NLRC5: variants seen among roughly 807,000 people sequenced by gnomAD.
The protein encoded by NLRC5 is NLR family CARD domain containing 5.
Under a neutral mutation model 206.9 loss-of-function variants are expected in NLRC5, and 114 were observed. That is an observed-to-expected ratio of 0.55 (90% CI 0.47 to 0.64). The LOEUF is 0.64. Ranked by LOEUF, NLRC5 falls within the 30% of genes least tolerant of loss-of-function variation. The pLI, the probability that NLRC5 is intolerant of heterozygous loss-of-function variation, is 0.00. For missense variants in NLRC5, 2,008 were observed against 2,305.5 expected (o/e 0.87, Z 2.64); for synonymous variants, 952 against 962.8 (o/e 0.99, Z 0.21).
intron 37 of NLRC5, among the ~76,000 whole-genome samples, chr16:57,070,183 C>T (rs1424780153): frequency 1.3e-5 from 2 of 152,126 alleles, no homozygotes; most frequent in Non-Finnish European, 2.9e-5. Context: ...AAATGGGGCT[C>T]ATGAGCCTTG....
intron 33 of NLRC5, among the ~76,000 whole-genome samples, chr16:57,065,682 C>T (rs1221029529): frequency 6.6e-6 from 1 of 152,222 alleles, no homozygotes; most frequent in Non-Finnish European, 1.5e-5. Context: ...GCATCCCACT[C>T]AGCTATGTTC....
rs138060627 is a variant in NLRC5, at chr16:57,005,070, G to A, written c.-127-12004G>A. Among the ~76,000 whole-genome samples, 353 of 152,232 alleles carry A rather than the reference G, an allele frequency of 2.3e-3. 1 individual carries two copies. The highest frequency in any genetic ancestry group is 8.1e-3 in the African/African-American group (337 of 41,542). ...CCCATTTGATTACTCGGCCTCAGGG[G>A]TGCACTGGGGATTCTTAGAGGTAAC... On this transcript the variant is annotated intron_variant, in intron 1 of 48. Coordinates refer to ENST00000688547, the MANE Select transcript of NLRC5 (RefSeq NM_001384950.1).
At chr16:56,995,468 A>G (rs570468206) in intron 1 of NLRC5, among the ~76,000 whole-genome samples, 47 of 152,178 alleles carry the variant, frequency 3.1e-4, no homozygotes, top group Non-Finnish European at 6.5e-4. Flanking sequence ...TCCTAAAGGG[A>G]TATATGAACT....
At chr16:57,030,398 G>GGCTGAAAA (rs2061681405) in intron 10 of NLRC5, among the ~76,000 whole-genome samples, 2 of 143,190 alleles carry the variant, frequency 1.4e-5, no homozygotes, top group Non-Finnish European at 3.1e-5. Flanking sequence ...ATGGATGGAT[G>GGCTGAAAA]GATGGATGGA....
At chr16:57,061,050 T>G (rs2066411694) in intron 30 of NLRC5, among the ~76,000 whole-genome samples, 1 of 152,248 alleles carries the variant, frequency 6.6e-6, no homozygotes, top group Non-Finnish European at 1.5e-5. Context: ...CTGACCTGGA[T>G]GGAAACCAGA....
At chr16:57,009,389 C>T (rs1343852555) in intron 1 of NLRC5, among the ~76,000 whole-genome samples, 1 of 151,472 alleles carries the variant, frequency 6.6e-6, no homozygotes, top group Non-Finnish European at 1.5e-5. Flanking sequence ...GTTAGGAGAT[C>T]GAGACCATCC....
At chr16:57,039,931 A>G in intron 16 of NLRC5, 82 bp downstream of exon 16, 1 of 1,191,236 alleles carries the variant, frequency 8.4e-7, no homozygotes, top group Non-Finnish European at 1.2e-6. Context: ...AGTGCCAGTC[A>G]GTCAACTGCC....
At chr16:57,070,490 C>A in intron 37 of NLRC5, 45 bp from the exon 38 acceptor site, 3 of 1,553,160 alleles carry the variant, frequency 1.9e-6, no homozygotes, top group Admixed American at 1.7e-5. Context: ...AGCTCCAGGG[C>A]TGGGCAGGCT....
intron 28 of NLRC5, 149 bp from the exon 29 acceptor site, chr16:57,058,823 G>A (rs542322760): frequency 1.8e-4 from 130 of 729,632 alleles, no homozygotes; most frequent in Middle Eastern, 1.4e-3. Flanking sequence ...ATCCTTCTGG[G>A]CCTCAGTGTG....
At position 57,061,641 on chromosome 16, in the gene NLRC5, A is replaced by G. The variant is rs753511378; in HGVS notation, c.4094A>G (p.Gln1365Arg). The change falls in exon 32 of 49, where the codon CAG (glutamine) becomes CGG (arginine). Residue 1365 changes from glutamine to arginine, a missense_variant. Physicochemically the swap from Gln to Arg is conservative, Grantham distance 43. Coordinates refer to ENST00000688547, the MANE Select transcript of NLRC5 (RefSeq NM_001384950.1). ...ELTLTQCCLGQKQLAILLSLV... is the reference protein window; with the variant it reads ...ELTLTQCCLGRKQLAILLSLV... ...AGGCTGACCCAGTGCTGCCTGGGCC[A>G]GAAGCAGCTGGCCATCCTCCTGAGC... The G allele has an allele frequency of 3.6e-5, 58 of 1,610,556 alleles. No homozygotes were observed. In the South Asian group the frequency reaches 6.3e-4, roughly 17 times the overall value.
At chr16:57,040,393 G>T (rs536373891) in intron 16 of NLRC5, among the ~76,000 whole-genome samples, 33 of 152,302 alleles carry the variant, frequency 2.2e-4, no homozygotes, top group African/African-American at 7.7e-4. Context: ...AATGATAATA[G>T]CAGTCAAGGT....
chr16:56,998,709 T>C (rs16964752), intron 1 of NLRC5, among the ~76,000 whole-genome samples: 3 of 152,238 alleles, frequency 2.0e-5, no homozygotes, highest in Non-Finnish European at 4.4e-5. Flanking sequence ...GATGTGTATT[T>C]TGAGACAAGT....
At position 57,017,110 on chromosome 16, in the gene NLRC5, C is replaced by T; in HGVS notation, c.-91C>T. 1 of 152,762 alleles carries T rather than the reference C, an allele frequency of 6.5e-6. No individual in the cohort carries two copies. Among genetic ancestry groups the T allele is most frequent in the Admixed American group, 6.5e-5 (1 of 15,286 alleles). 9.5% of individuals were successfully genotyped at this position (152,762 alleles called of 1,614,324 possible). A position where few individuals can be genotyped will look rare whatever the true frequency, so the allele number is the denominator to read the frequency against. The stretch of plus-strand genomic sequence containing the variant: ...ATGGAAACAACCTGTCAATCCAGCT[C>T]AAGGCACACATAGCCCAGACACCCA... On this transcript the variant is annotated 5_prime_UTR_variant, in exon 2 of 49. Transcript: ENST00000688547.
At position 57,061,703 on chromosome 16, in the gene NLRC5, T is replaced by C. The variant is rs1448146623; in HGVS notation, c.4154+2T>C. 6.2e-7 allele frequency: 1 copy of C among 1,602,064 alleles called. No individual in the cohort carries two copies. The highest frequency in any genetic ancestry group is 2.2e-5 in the East Asian group (1 of 44,810). ...ACCCGCAGGGCTGTTCAGCCTCAGG[T>C]ACCTCCTCCCCCGCTGCCTCCGGGA... On this transcript the variant is annotated splice_donor_variant, in intron 32 of 48. Coordinates refer to ENST00000688547, the MANE Select transcript of NLRC5 (RefSeq NM_001384950.1). LOFTEE classifies it high-confidence loss of function.
intron 27 of NLRC5, among the ~76,000 whole-genome samples, chr16:57,057,722 G>A (rs1182658867): frequency 6.6e-6 from 1 of 152,188 alleles, no homozygotes; most frequent in Admixed American, 6.5e-5. Context: ...CAAGAGGATG[G>A]GTTTACTGTG....
chr16:57,078,097 C>T, intron 43 of NLRC5, 77 bp downstream of exon 43: 2 of 1,245,332 alleles, frequency 1.6e-6, no homozygotes, highest in Non-Finnish European at 2.2e-6. Context: ...GGTCCAGGCC[C>T]CCATCAGTTG....
At chr16:56,990,450 T>G (rs1176009909) in intron 1 of NLRC5, among the ~76,000 whole-genome samples, 1 of 152,210 alleles carries the variant, frequency 6.6e-6, no homozygotes, top group Non-Finnish European at 1.5e-5. Context: ...GGGTGTTGTT[T>G]TGTTACTTGC....
rs1367544235 is a variant in NLRC5 at position 57,077,735 on chromosome 16, A to C, written c.4936A>C (p.Ile1646Leu). 1 of 1,595,354 alleles carries C rather than the reference A, an allele frequency of 6.3e-7. No individual in the cohort carries two copies. Among genetic ancestry groups the C allele is most frequent in the South Asian group, 1.1e-5 (1 of 88,648 alleles). ...LRKIDLSGNS[I>L]SSAGGVQLAE... ...CTCCCACAGCCTCTCAGGGAATAGC[A>C]TCAGCTCAGCCGGGGGAGTGCAGTT... Residue 1646 changes from isoleucine (I) to leucine (L), a missense_variant, in exon 42 of 49, where the codon ATC becomes CTC. By Grantham distance (5) the Ile-to-Leu change is conservative (BLOSUM62 2). Coordinates refer to ENST00000688547, the MANE Select transcript of NLRC5 (RefSeq NM_001384950.1).
intron 14 of NLRC5, among the ~76,000 whole-genome samples, chr16:57,036,385 C>A (rs2062580133): frequency 6.6e-6 from 1 of 152,226 alleles, no homozygotes; most frequent in Admixed American, 6.5e-5. Context: ...ATCTAGCACC[C>A]TTACATGTGT....
Sources: gnomAD v4.1 joint callset for allele counts (sites outside exome capture counted in the v4.1 genomes callset) on GRCh38, gnomAD v4.1.1 for gene constraint, MANE v1.5 for transcripts, NCBI Gene and HGNC (gene_info 2026-07-23, HGNC 2026-07-21) for gene names.